The following DMXL2 variants were observed in gnomAD, a reference collection of about 807,000 sequenced individuals.
The protein encoded by DMXL2 is dmX-like protein 2.
DMXL2 carries 103 observed loss-of-function variants against 331.1 expected under a neutral mutation model. The observed-to-expected ratio is 0.31, with a 90% CI of 0.27 to 0.37. The LOEUF (loss-of-function observed/expected upper bound fraction) is 0.37, where lower values mean the gene tolerates loss of function less well. DMXL2 is among the 10% of genes least tolerant of loss of function. The probability of loss-of-function intolerance (pLI) is 1.00; values close to 1 mark genes in which losing one functional copy is unlikely to be tolerated. For missense variants in DMXL2, 3,171 were observed against 3,642.9 expected, an observed-to-expected ratio of 0.87 and a Z score of 3.33; for synonymous variants, 1,281 against 1,252.1, an observed-to-expected ratio of 1.02 and a Z score of -0.49.
At chr15:51,587,444 T>C (rs1186578717) in intron 1 of DMXL2, among the ~76,000 whole-genome samples, 6 of 152,200 alleles carry the variant, frequency 3.9e-5, no homozygotes, top group Admixed American at 1.3e-4. Context: ...TTGAGACAGT[T>C]TGCTGAGAAT....
Position 51,499,086 on chromosome 15 carries a change from C to T in DMXL2, c.4138G>A (p.Ala1380Thr), listed in dbSNP as rs1354023760. 8 of 1,614,028 alleles carry T rather than the reference C, an allele frequency of 5.0e-6. No individual in the cohort carries two copies. The highest frequency in any genetic ancestry group is 6.8e-6 in the Non-Finnish European group (8 of 1,180,022). Residue 1380 changes from alanine to threonine, a missense_variant, in exon 18 of 44, where the codon GCA (alanine) becomes ACA (threonine). Physicochemically the swap from Ala to Thr is moderately conservative, Grantham distance 58 (BLOSUM62 0). This residue lies in a region of DMXL2 where 1,674 missense variants were observed against 1,780.2 expected (regional missense o/e 0.94). Transcript: ENST00000560891. ...HLVKCIAGEV[A>T]IVRDPDAGEG... ...CCAGCATCAGGATCTCTAACTATTG[C>T]TACTTCACCTGCAATACATTTTACT...
At chr15:51,488,218 A>C in intron 21 of DMXL2, 99 bp from the exon 22 acceptor site, 4 of 1,133,340 alleles carry the variant, frequency 3.5e-6, no homozygotes, top group Non-Finnish European at 4.8e-6. Flanking sequence ...AGAAATCTAA[A>C]AGAAGAACAA....
Position 51,476,570 on chromosome 15 carries a change from TAA to T in DMXL2, c.6964+17_6964+18del. The T allele has an allele frequency of 6.3e-7, 1 of 1,589,856 alleles. No individual in the cohort carries two copies. The highest frequency in any genetic ancestry group is 8.5e-7 in the Non-Finnish European group (1 of 1,173,628). Reference sequence around the variant, plus strand: ...TGCCAACTAGAAGATTTTTTTTTTTTAATCATTTAAATTCTCACCAGGCCATT... The same window carrying T: ...TGCCAACTAGAAGATTTTTTTTTTTTTCATTTAAATTCTCACCAGGCCATT... On this transcript the variant is annotated intron_variant, in intron 27 of 43. Coordinates refer to ENST00000560891, the MANE Select transcript of DMXL2 (RefSeq NM_001378457.1).
At position 51,565,946 on chromosome 15, in the gene DMXL2, T is replaced by C. The variant is rs75847445; in HGVS notation, c.286-780A>G. ...TACCTCAAGGCAGAATTTTAAAACATAGCTGCATCCCAACAGTTTGGGAGG... is the reference window on the plus strand; with the variant it reads ...TACCTCAAGGCAGAATTTTAAAACACAGCTGCATCCCAACAGTTTGGGAGG... On this transcript the variant is annotated intron_variant, in intron 3 of 43. Coordinates refer to ENST00000560891, the MANE Select transcript of DMXL2 (RefSeq NM_001378457.1). Among the ~76,000 whole-genome samples, 1,295 of 152,252 alleles carry C rather than the reference T, an allele frequency of 8.5e-3. 12 individuals carry two copies. Among genetic ancestry groups the C allele is most frequent in the African/African-American group, 0.029 (1,213 of 41,556 alleles).
chr15:51,516,099 ACT>A (rs2140663984), intron 14 of DMXL2, among the ~76,000 whole-genome samples: 1 of 152,180 alleles, frequency 6.6e-6, no homozygotes, highest in East Asian at 1.9e-4. Context: ...TTATGATGTA[ACT>A]CTATACTTGC....
At chr15:51,462,522 A>G (rs1433227344) in intron 33 of DMXL2, among the ~76,000 whole-genome samples, 2 of 152,052 alleles carry the variant, frequency 1.3e-5, no homozygotes, top group African/African-American at 4.8e-5. Flanking sequence ...TTTTTAGTAG[A>G]GATGGGGTTT....
At chr15:51,597,218 C>T (rs2052887110) in intron 1 of DMXL2, among the ~76,000 whole-genome samples, 1 of 152,156 alleles carries the variant, frequency 6.6e-6, no homozygotes, top group Non-Finnish European at 1.5e-5. Context: ...TGTGTAACCA[C>T]CACCCAAGAA....
At position 51,564,257 on chromosome 15, in the gene DMXL2, T is replaced by C. The variant is rs151034852; in HGVS notation, c.368A>G (p.Asn123Ser). The part of the protein sequence containing the change: ...TYNLAWDPQD[N>S]RLLTATDSIQ... Reference sequence around the variant, plus strand: ...AGAATCAGTTGCTGTCAACAATCTATTATCTGAAAATTAAAGAATGTTATG... The same window carrying C: ...AGAATCAGTTGCTGTCAACAATCTACTATCTGAAAATTAAAGAATGTTATG... Residue 123 changes from asparagine (N) to serine (S), a missense_variant, in exon 5 of 44, where the codon AAT becomes AGT. This residue lies in a region of DMXL2 where 1,674 missense variants were observed against 1,780.2 expected (regional missense o/e 0.94). Coordinates refer to ENST00000560891, the MANE Select transcript of DMXL2 (RefSeq NM_001378457.1). The C allele has an allele frequency of 6.4e-4, 1,002 of 1,575,530 alleles. 6 individuals are homozygous for C. In the African/African-American group the frequency reaches 0.012, roughly 18 times the overall value.
chr15:51,596,776 A>G (rs552534387), intron 1 of DMXL2, among the ~76,000 whole-genome samples: 1 of 152,314 alleles, frequency 6.6e-6, no homozygotes, highest in South Asian at 2.1e-4. Flanking sequence ...TTGTAGGAAC[A>G]TGGATGAAGC....
rs746643951 is a variant in DMXL2, at chr15:51,481,036, G to C, written c.6070C>G (p.Gln2024Glu). 3.1e-6 allele frequency: 5 copies of C among 1,614,024 alleles called. No individual in the cohort carries two copies. In the East Asian group the frequency reaches 1.1e-4, roughly 36 times the overall value. The change falls in exon 24 of 44, where the codon CAG becomes GAG. Residue 2024 changes from glutamine (Q) to glutamate (E), a missense_variant. Coordinates refer to ENST00000560891, the MANE Select transcript of DMXL2 (RefSeq NM_001378457.1). ...ASDPNMLLTPQEEDDPEGDTE... is the reference protein window; with the variant it reads ...ASDPNMLLTPEEEDDPEGDTE... ...TCACCTTCAGGATCATCCTCTTCCT[G>C]AGGTGTTAATAACATGTTAGGGTCT...
In DMXL2 at chr15:51,562,201, G is replaced by A. The variant is rs142483849; in HGVS notation, c.567+1180C>T. Among the ~76,000 whole-genome samples, 367 of 152,098 alleles carry A rather than the reference G, an allele frequency of 2.4e-3. 2 individuals are homozygous for A. The highest frequency in any genetic ancestry group is 8.4e-3 in the African/African-American group (350 of 41,500). ...TAATTTGACCATCATTACACATTAC[G>A]CATGTATCAAAATATCACATGTATC... On this transcript the variant is annotated intron_variant, in intron 6 of 43. Coordinates refer to ENST00000560891, the MANE Select transcript of DMXL2 (RefSeq NM_001378457.1).
chr15:51,603,257 A>C (rs2053354156), intron 1 of DMXL2, among the ~76,000 whole-genome samples: 1 of 152,190 alleles, frequency 6.6e-6, no homozygotes, highest in Non-Finnish European at 1.5e-5. Context: ...TATCAAGAAT[A>C]AAAGAGGGGT....
intron 12 of DMXL2, 110 bp from the exon 13 acceptor site, chr15:51,535,894 T>C: frequency 7.8e-7 from 1 of 1,276,960 alleles, no homozygotes; most frequent in Non-Finnish European, 1.1e-6. Context: ...AACCATGGTC[T>C]AGAATCATAA....
rs75388372 is a variant in DMXL2, at chr15:51,552,010, G to C, written c.568-4602C>G. Among the ~76,000 whole-genome samples, 6 of 152,236 alleles carry C rather than the reference G, an allele frequency of 3.9e-5. No homozygotes were observed. The East Asian group carries it at 7.7e-4, about 20-fold the overall frequency. On this transcript the variant is annotated intron_variant, in intron 6 of 43. Transcript: ENST00000560891. Reference sequence around the variant, plus strand: ...TTGAAGGATACATAAAAGACGACCAGGTAAAGAATAAGGAAGTCTGGGTAT... The same window carrying C: ...TTGAAGGATACATAAAAGACGACCACGTAAAGAATAAGGAAGTCTGGGTAT...
chr15:51,480,471 T>C, intron 24 of DMXL2, 71 bp downstream of exon 24: 1 of 1,452,332 alleles, frequency 6.9e-7, no homozygotes, highest in Non-Finnish European at 9.1e-7. Context: ...AAAAGAGCTT[T>C]ATAGCTATAA....
At chr15:51,536,947 A>C in intron 11 of DMXL2, 85 bp from the exon 12 acceptor site, 2 of 1,168,212 alleles carry the variant, frequency 1.7e-6, no homozygotes, top group South Asian at 1.6e-5. Flanking sequence ...ACCAAATCTC[A>C]GCTTCTTATC....
intron 17 of DMXL2, among the ~76,000 whole-genome samples, chr15:51,502,402 C>T (rs1256505663): frequency 3.3e-5 from 5 of 151,262 alleles, no homozygotes; most frequent in African/African-American, 1.2e-4. Flanking sequence ...AGCTCACTGC[C>T]GCCTCCACCT....
intron 18 of DMXL2, among the ~76,000 whole-genome samples, chr15:51,497,985 C>A (rs2043302316): frequency 6.6e-6 from 1 of 152,152 alleles, no homozygotes; most frequent in Non-Finnish European, 1.5e-5. Context: ...ATAATCCCAG[C>A]ACTGTGGGAG....
chr15:51,455,373 A>G (rs1388521155), intron 39 of DMXL2, 145 bp from the exon 40 acceptor site: 2 of 721,974 alleles, frequency 2.8e-6, no homozygotes, highest in East Asian at 2.7e-5. Flanking sequence ...CAAAAAGTCC[A>G]AGTGCTAAAA....
Sources: allele counts gnomAD v4.1 joint callset (sites outside exome capture counted in the v4.1 genomes callset), GRCh38; gene constraint gnomAD v4.1.1; regional missense constraint gnomAD v4.1.1; transcripts MANE v1.5; gene names NCBI Gene and HGNC (gene_info 2026-07-23, HGNC 2026-07-21).